Variants in BBS9 observed in about 807,000 individuals in gnomAD.
The protein encoded by BBS9 is Bardet-Biedl syndrome 9.
A neutral mutation model predicts 117.7 loss-of-function variants in BBS9; 89 were observed. That is an observed-to-expected ratio of 0.76 (90% confidence interval 0.64 to 0.90). The LOEUF (loss-of-function observed/expected upper bound fraction) is 0.90. Ranked by LOEUF, BBS9 falls within the 40% of genes least tolerant of loss-of-function variation. The pLI, the probability that BBS9 is intolerant of heterozygous loss-of-function variation, is 0.00. For synonymous variants in BBS9, 379 were observed against 370.9 expected, an observed-to-expected ratio of 1.02 and a Z score of -0.25; for missense variants, 982 against 1,042.2, an observed-to-expected ratio of 0.94 and a Z score of 0.80.
At chr7:33,265,025 A>G (rs1174654074) in intron 7 of BBS9, among the ~76,000 whole-genome samples, 1 of 152,186 alleles carries the variant, frequency 6.6e-6, no homozygotes, top group Non-Finnish European at 1.5e-5. Context: ...ATTGTAAATG[A>G]TGAATTCTCC....
chr7:33,552,703 A>G (rs1176805227), intron 21 of BBS9, among the ~76,000 whole-genome samples: 1 of 152,074 alleles, frequency 6.6e-6, no homozygotes, highest in Non-Finnish European at 1.5e-5. Flanking sequence ...TTAAGCTCCA[A>G]TCTCATCTCA....
At chr7:33,571,886 G>A (rs537349169) in intron 21 of BBS9, among the ~76,000 whole-genome samples, 2 of 151,914 alleles carry the variant, frequency 1.3e-5, no homozygotes, top group African/African-American at 2.4e-5. Context: ...ATCAAATTAG[G>A]GTAATTGGAA....
chr7:33,390,061 G>A (rs1371273005), intron 19 of BBS9, among the ~76,000 whole-genome samples: 1 of 151,976 alleles, frequency 6.6e-6, no homozygotes, highest in South Asian at 2.1e-4. Flanking sequence ...TTCCTCTTTA[G>A]TACTCTTTTT....
At chr7:33,573,330 G>A (rs542571293) in intron 21 of BBS9, among the ~76,000 whole-genome samples, 139 of 152,172 alleles carry the variant, frequency 9.1e-4, no homozygotes, top group African/African-American at 2.2e-3. Context: ...AAAAACGTAC[G>A]AAGAAGTAAA....
At chr7:33,177,802 C>T in intron 5 of BBS9, 1 of 558,306 alleles carries the variant, frequency 1.8e-6, no homozygotes, top group Non-Finnish European at 3.2e-6. Flanking sequence ...TAATCAGGGT[C>T]AGGCCTGGTT....
intron 21 of BBS9, among the ~76,000 whole-genome samples, chr7:33,562,606 G>T (rs559085337): frequency 8.7e-4 from 133 of 152,290 alleles, no homozygotes; most frequent in African/African-American, 3.1e-3. Context: ...CAAATCGCTT[G>T]GAAATGTAGT....
chr7:33,149,320 G>C (rs989969526), intron 2 of BBS9, among the ~76,000 whole-genome samples: 4 of 152,166 alleles, frequency 2.6e-5, no homozygotes, highest in Non-Finnish European at 5.9e-5. Flanking sequence ...GAAATTTGCA[G>C]GTCAAGTTGG....
chr7:33,367,718 T>C, intron 16 of BBS9, 49 bp from the exon 17 acceptor site: 1 of 1,523,606 alleles, frequency 6.6e-7, no homozygotes. Context: ...TCAAATGTGT[T>C]CATTTTGCCT....
chr7:33,571,045 G>A (rs890453484), intron 21 of BBS9, among the ~76,000 whole-genome samples: 7 of 152,116 alleles, frequency 4.6e-5, no homozygotes, highest in Non-Finnish European at 7.4e-5. Context: ...ACTAGCTAAC[G>A]ATATAATACC....
intron 21 of BBS9, among the ~76,000 whole-genome samples, chr7:33,581,095 T>TGAGA (rs10609889): frequency 5.9e-4 from 88 of 149,134 alleles, no homozygotes; most frequent in Admixed American, 2.2e-3. Flanking sequence ...TGTGTGTGTG[T>TGAGA]GAGAGAGAGA....
chr7:33,163,787 G>A (rs1275463600), intron 4 of BBS9, among the ~76,000 whole-genome samples: 1 of 152,042 alleles, frequency 6.6e-6, no homozygotes, highest in African/African-American at 2.4e-5. Flanking sequence ...ACCAGCTCCT[G>A]GATTCACTGA....
chr7:33,602,595 G>T (rs1396066259), intron 21 of BBS9, among the ~76,000 whole-genome samples: 3 of 152,172 alleles, frequency 2.0e-5, no homozygotes, highest in Admixed American at 6.5e-5. Flanking sequence ...GGGCATGGTG[G>T]CGCATGCCTG....
intron 10 of BBS9, among the ~76,000 whole-genome samples, chr7:33,336,845 T>G (rs1356076414): frequency 1.3e-5 from 2 of 152,338 alleles, no homozygotes; most frequent in Non-Finnish European, 2.9e-5. Flanking sequence ...CTTTTGTTGT[T>G]AATGTTTCAT....
intron 16 of BBS9, among the ~76,000 whole-genome samples, chr7:33,363,874 C>T (rs568547309): frequency 2.6e-5 from 4 of 151,476 alleles, no homozygotes; most frequent in Admixed American, 1.3e-4. Context: ...TTAGCCCAAC[C>T]GTGCATTCTT....
chr7:33,354,730 T>C (rs1442212059), intron 15 of BBS9, among the ~76,000 whole-genome samples: 1 of 152,074 alleles, frequency 6.6e-6, no homozygotes, highest in African/African-American at 2.4e-5. Flanking sequence ...ACTGGGCTTT[T>C]GGGGTGTGCC....
chr7:33,200,714 T>A (rs1203760857), intron 5 of BBS9, among the ~76,000 whole-genome samples: 3 of 152,160 alleles, frequency 2.0e-5, no homozygotes, highest in Non-Finnish European at 4.4e-5. Context: ...AACACCCAAT[T>A]TTCTTCCTTT....
chr7:33,565,844 T>TATATATATATATATATATATATATATA (rs5883407), intron 21 of BBS9, among the ~76,000 whole-genome samples: 1 of 80,042 alleles, frequency 1.2e-5, no homozygotes, highest in African/African-American at 5.1e-5. Flanking sequence ...TATATACTGC[T>TATATATATATATATATATATATATATA]TATATATATA....
intron 19 of BBS9, among the ~76,000 whole-genome samples, chr7:33,466,281 A>G (rs1840150914): frequency 6.6e-6 from 1 of 152,084 alleles, no homozygotes. Context: ...ATAAGTGCTA[A>G]ACTTTTGTAC....
At chr7:33,253,019 A>G (rs886360808) in intron 5 of BBS9, among the ~76,000 whole-genome samples, 8 of 152,194 alleles carry the variant, frequency 5.3e-5, no homozygotes, top group African/African-American at 1.9e-4. Flanking sequence ...TACCATAAAT[A>G]CGTCAGCACA....
Sources: gnomAD v4.1 joint callset for allele counts (sites outside exome capture counted in the v4.1 genomes callset) on GRCh38, gnomAD v4.1.1 for gene constraint, MANE v1.5 for transcripts, NCBI Gene and HGNC (gene_info 2026-07-23, HGNC 2026-07-21) for gene names.